TBCEL: variants seen among roughly 807,000 people sequenced by gnomAD.
TBCEL encodes tubulin-specific chaperone cofactor E-like protein.
TBCEL carries 15 observed loss-of-function variants against 44.2 expected under a neutral mutation model. The observed-to-expected ratio is 0.34, with a 90% confidence interval of 0.23 to 0.52. The LOEUF (loss-of-function observed/expected upper bound fraction) is 0.52, where lower values mean the gene tolerates loss of function less well. TBCEL is among the 20% of genes least tolerant of loss of function. The pLI is 0.95. For synonymous variants in TBCEL, 171 were observed against 185.4 expected (o/e 0.92, Z 0.63); for missense variants, 319 against 506.3 (o/e 0.63, Z 3.55).
At chr11:121,058,514 A>G (rs775980011) in intron 7 of TBCEL, 43 bp downstream of exon 7, 4 of 1,605,152 alleles carry the variant, frequency 2.5e-6, no homozygotes, top group Admixed American at 3.4e-5. Flanking sequence ...GTGAGGCCTT[A>G]TTGTTTCATT....
intron 8 of TBCEL, among the ~76,000 whole-genome samples, chr11:121,074,929 C>T (rs1176093671): frequency 6.6e-6 from 1 of 151,946 alleles, no homozygotes; most frequent in Non-Finnish European, 1.5e-5. Flanking sequence ...CCTAGTTTCC[C>T]TCAATTGTAA....
chr11:121,059,931 A>G, intron 7 of TBCEL, 38 bp from the exon 8 acceptor site: 2 of 1,389,248 alleles, frequency 1.4e-6, no homozygotes, highest in Non-Finnish European at 2.0e-6. Flanking sequence ...ATATATTAGT[A>G]TCTTAAAAAA....
At position 121,046,936 on chromosome 11, in the gene TBCEL, A is replaced by G. The variant is rs1413872281; in HGVS notation, c.134-592A>G. Among the ~76,000 whole-genome samples the G allele has an allele frequency of 9.2e-5, 14 of 152,206 alleles. 1 individual carries two copies. In the South Asian group the frequency reaches 1.7e-3, roughly 18 times the overall value. On this transcript the variant is annotated intron_variant, in intron 3 of 8. Coordinates refer to ENST00000683345, the MANE Select transcript of TBCEL (RefSeq NM_001363644.2). ...CATAAGGGACAAATTCTGTAGGGAT[A>G]TGAAATGGAGATAATTGATAGACAA...
rs141418600 is a variant in TBCEL at position 121,090,604 on chromosome 11, C to G, written c.*3508C>G. 2.7e-4 allele frequency: 41 copies of G among 151,764 alleles called. 1 individual carries two copies. The East Asian group carries it at 5.8e-3, about 21-fold the overall frequency. The allele number at this position is 151,764 out of a possible 1,614,324, so 9.4% of individuals were successfully genotyped here. On this transcript the variant is annotated 3_prime_UTR_variant, in exon 9 of 9. Transcript: ENST00000683345. ...ATTGTAGTGGTGGAGAGGGACTGGA[C>G]TCTCTCAGGCTCTTTACTTGCCAGT...
chr11:121,044,440 C>T (rs1945392307), intron 2 of TBCEL, among the ~76,000 whole-genome samples: 1 of 152,072 alleles, frequency 6.6e-6, no homozygotes, highest in Non-Finnish European at 1.5e-5. Context: ...GCTGCTTTGG[C>T]AACATCAGAT....
intron 3 of TBCEL, among the ~76,000 whole-genome samples, chr11:121,046,100 A>G (rs1301817076): frequency 1.3e-5 from 2 of 152,110 alleles, no homozygotes; most frequent in East Asian, 3.9e-4. Flanking sequence ...AGGGTACAAA[A>G]CAGTACAGGA....
At chr11:121,041,632 C>T (rs1400697651) in intron 2 of TBCEL, among the ~76,000 whole-genome samples, 1 of 152,020 alleles carries the variant, frequency 6.6e-6, no homozygotes, top group African/African-American at 2.4e-5. Context: ...TCCCACCCCC[C>T]AAAAACCTTG....
intron 4 of TBCEL, 116 bp from the exon 5 acceptor site, chr11:121,053,435 C>T (rs1945564588): frequency 1.2e-6 from 1 of 856,024 alleles, no homozygotes; most frequent in Non-Finnish European, 1.8e-6. Context: ...TAATAGGACT[C>T]CTTGATGTAA....
At chr11:121,072,312 A>T (rs1440658828) in intron 8 of TBCEL, among the ~76,000 whole-genome samples, 1 of 152,306 alleles carries the variant, frequency 6.6e-6, no homozygotes, top group East Asian at 1.9e-4. Context: ...TGGCCAGGGC[A>T]AGGGGCCAGT....
At position 121,029,617 on chromosome 11, in the gene TBCEL, CAGGT is replaced by C. The variant is rs1357302328; in HGVS notation, c.-126+5329_-126+5332del. 2.0e-5 allele frequency among the ~76,000 whole-genome samples: 3 copies of C among 152,334 alleles called. No homozygotes were observed. The East Asian group carries it at 5.8e-4, about 29-fold the overall frequency. On this transcript the variant is annotated intron_variant, in intron 1 of 8. Coordinates refer to ENST00000683345, the MANE Select transcript of TBCEL (RefSeq NM_001363644.2). ...TGCTCTTCTAAAAATGAAATTTAAA[CAGGT>C]AGCCCATTTCCCAAATTCAGGATCT...
At chr11:121,051,832 C>A (rs1476724356) in intron 4 of TBCEL, among the ~76,000 whole-genome samples, 1 of 151,816 alleles carries the variant, frequency 6.6e-6, no homozygotes, top group Non-Finnish European at 1.5e-5. Context: ...ACCTTTTCTT[C>A]TCACCTACTC....
chr11:121,074,141 G>A (rs1001007150), intron 8 of TBCEL, among the ~76,000 whole-genome samples: 3 of 151,886 alleles, frequency 2.0e-5, no homozygotes, highest in Admixed American at 2.0e-4. Context: ...TACGATTTGG[G>A]GGTAGGTGTT....
At chr11:121,037,418 A>G (rs1432446527) in intron 2 of TBCEL, among the ~76,000 whole-genome samples, 1 of 152,174 alleles carries the variant, frequency 6.6e-6, no homozygotes. Context: ...ACTGAGATAG[A>G]CTCACAGGTA....
At chr11:121,034,319 T>G (rs192823834) in intron 1 of TBCEL, among the ~76,000 whole-genome samples, 2 of 152,288 alleles carry the variant, frequency 1.3e-5, no homozygotes, top group East Asian at 3.9e-4. Flanking sequence ...ACAGTAGGAG[T>G]ACAAAAATCA....
intron 2 of TBCEL, among the ~76,000 whole-genome samples, chr11:121,043,439 A>G (rs749829879): frequency 3.3e-5 from 5 of 152,166 alleles, no homozygotes; most frequent in Non-Finnish European, 7.4e-5. Context: ...ACTATAGTGA[A>G]GTAAATATGT....
Position 121,055,141 on chromosome 11 carries a change from CA to C in TBCEL, c.546del (p.Asp183ThrfsTer13). 6.2e-7 allele frequency: 1 copy of C among 1,611,644 alleles called. No homozygotes were observed. On this transcript the variant is annotated frameshift_variant, in exon 6 of 9. Coordinates refer to ENST00000683345, the MANE Select transcript of TBCEL (RefSeq NM_001363644.2). LOFTEE classifies it high-confidence loss of function. ...CCHSLKLLHITDNNLQDWTEI... is the reference protein window; with the variant it reads ...CCHSLKLLHIXDNNLQDWTEI... ...CATTCTCTTAAGCTACTACATATAACAGACAATAACCTCCAAGACTGGACTG... is the reference window on the plus strand; with the variant it reads ...CATTCTCTTAAGCTACTACATATAACGACAATAACCTCCAAGACTGGACTG...
intron 8 of TBCEL, among the ~76,000 whole-genome samples, chr11:121,086,340 A>G (rs570585282): frequency 6.6e-6 from 1 of 152,332 alleles, no homozygotes; most frequent in East Asian, 1.9e-4. Context: ...GTTTTTGTTT[A>G]TAAGTTATGG....
At chr11:121,050,199 T>G in intron 4 of TBCEL, among the ~76,000 whole-genome samples, 1 of 151,764 alleles carries the variant, frequency 6.6e-6, no homozygotes, top group East Asian at 1.9e-4. Flanking sequence ...CTACAAATGC[T>G]TCATAGGTCG....
intron 1 of TBCEL, among the ~76,000 whole-genome samples, chr11:121,025,429 C>A (rs979907692): frequency 3.3e-5 from 5 of 151,962 alleles, no homozygotes; most frequent in African/African-American, 1.2e-4. Flanking sequence ...TTATGCCCCA[C>A]AGTAATAAGT....
Sources: gnomAD v4.1 joint callset for allele counts (sites outside exome capture counted in the v4.1 genomes callset) on GRCh38, gnomAD v4.1.1 for gene constraint, MANE v1.5 for transcripts, NCBI Gene and HGNC (gene_info 2026-07-23, HGNC 2026-07-21) for gene names.